Variants in ANK3 observed in about 807,000 individuals in gnomAD.
ANK3 encodes the protein ankyrin 3.
Under a neutral mutation model 370.9 loss-of-function variants are expected in ANK3, and 57 were observed. The observed-to-expected ratio is 0.15, with a 90% CI of 0.12 to 0.19. The LOEUF (loss-of-function observed/expected upper bound fraction) is 0.19. Ranked by LOEUF, ANK3 falls within the 10% of genes least tolerant of loss-of-function variation. The pLI is 1.00. For missense variants in ANK3, 4,439 were observed against 5,302.1 expected (o/e 0.84, Z 5.06); for synonymous variants, 1,929 against 1,946.3 (o/e 0.99, Z 0.23).
At chr10:60,198,189 A>C (rs1591608470) in intron 14 of ANK3, 151 bp downstream of exon 14, 1 of 754,170 alleles carries the variant, frequency 1.3e-6, no homozygotes, top group Non-Finnish European at 2.1e-6. Context: ...ACCCTCTCCC[A>C]CCACAGAGCT....
At chr10:60,171,255 G>A (rs2095785934) in intron 21 of ANK3, among the ~76,000 whole-genome samples, 1 of 152,122 alleles carries the variant, frequency 6.6e-6, no homozygotes, top group Non-Finnish European at 1.5e-5. Flanking sequence ...TAAAACAACT[G>A]TTTTCTCTTT....
At chr10:60,231,308 CT>C (rs2097240483) in intron 8 of ANK3, among the ~76,000 whole-genome samples, 1 of 152,076 alleles carries the variant, frequency 6.6e-6, no homozygotes, top group African/African-American at 2.4e-5. Flanking sequence ...ACTGAATCCT[CT>C]ATTCTGTGAG....
At chr10:60,145,040 A>T (rs2094749467) in intron 23 of ANK3, among the ~76,000 whole-genome samples, 1 of 152,208 alleles carries the variant, frequency 6.6e-6, no homozygotes, top group Non-Finnish European at 1.5e-5. Flanking sequence ...TCACTTTTCC[A>T]TGAACTGAAA....
intron 1 of ANK3, among the ~76,000 whole-genome samples, chr10:60,350,832 A>G (rs1163156686): frequency 6.6e-6 from 1 of 152,146 alleles, no homozygotes; most frequent in Non-Finnish European, 1.5e-5. Flanking sequence ...GGACAAAGGT[A>G]ATGATGCTGC....
At chr10:60,053,726 A>T (rs1297822419) in intron 42 of ANK3, 2 of 1,303,574 alleles carry the variant, frequency 1.5e-6, no homozygotes, top group Non-Finnish European at 2.0e-6. Flanking sequence ...CGGACTTTTG[A>T]CCTGATTTTT....
Position 60,343,955 on chromosome 10 carries a change from C to T in ANK3, c.114+45470G>A, listed in dbSNP as rs79006634. ...GACCACATTTTGAGAACCCTTGCTA[C>T]GGCAAGTGCCAGTTCTGCACATCCA... On this transcript the variant is annotated intron_variant, in intron 1 of 43. Transcript: ENST00000280772. Among the ~76,000 whole-genome samples the T allele has an allele frequency of 3.7e-3, 562 of 152,326 alleles. 2 individuals carry two copies. The highest frequency in any genetic ancestry group is 0.013 in the African/African-American group (539 of 41,582).
intron 2 of ANK3, among the ~76,000 whole-genome samples, chr10:60,503,858 C>A (rs1049257611): frequency 2.0e-5 from 3 of 152,144 alleles, no homozygotes; most frequent in Admixed American, 6.5e-5. Flanking sequence ...CTACTGAGAT[C>A]ATCATCTCGG....
chr10:60,418,549 A>G (rs1170064035), intron 2 of ANK3, among the ~76,000 whole-genome samples: 1 of 152,156 alleles, frequency 6.6e-6, no homozygotes, highest in African/African-American at 2.4e-5. Context: ...TAATCTAAAG[A>G]AAATCTAACA....
At chr10:60,576,861 T>G (rs2077688723) in intron 2 of ANK3, among the ~76,000 whole-genome samples, 2 of 152,178 alleles carry the variant, frequency 1.3e-5, no homozygotes, top group South Asian at 4.1e-4. Context: ...ACCTAGCCAG[T>G]TCACAGCATA....
chr10:60,205,363 T>C (rs1423778542), intron 11 of ANK3, among the ~76,000 whole-genome samples: 5 of 152,170 alleles, frequency 3.3e-5, no homozygotes, highest in Admixed American at 1.3e-4. Flanking sequence ...CTGTATACTG[T>C]AAACTGTTTA....
intron 7 of ANK3, among the ~76,000 whole-genome samples, chr10:60,259,259 C>T (rs1358610341): frequency 6.6e-6 from 1 of 152,150 alleles, no homozygotes; most frequent in African/African-American, 2.4e-5. Context: ...TTCTCAGGTA[C>T]CCTAAAGCCA....
chr10:60,473,592 T>C (rs1006571283), intron 2 of ANK3, among the ~76,000 whole-genome samples: 1 of 152,068 alleles, frequency 6.6e-6, no homozygotes, highest in African/African-American at 2.4e-5. Context: ...AGGACAACTT[T>C]CCTATCCTGT....
intron 7 of ANK3, among the ~76,000 whole-genome samples, chr10:60,242,362 T>C (rs566931168): frequency 6.6e-6 from 1 of 152,370 alleles, no homozygotes; most frequent in African/African-American, 2.4e-5. Flanking sequence ...TATCATATGA[T>C]ATACTTTAGA....
chr10:60,081,375 C>A (rs139231831), intron 35 of ANK3: 1 of 285,366 alleles, frequency 3.5e-6, no homozygotes, highest in African/African-American at 2.2e-5. Flanking sequence ...GGATTACAGG[C>A]GTGAGCCACC....
At chr10:60,365,801 A>G (rs547818533) in intron 1 of ANK3, among the ~76,000 whole-genome samples, 1 of 152,310 alleles carries the variant, frequency 6.6e-6, no homozygotes, top group Admixed American at 6.5e-5. Flanking sequence ...AGTAAGCAAC[A>G]GAGGTGAGAC....
intron 1 of ANK3, among the ~76,000 whole-genome samples, chr10:60,701,982 G>A (rs1215216993): frequency 1.3e-5 from 2 of 152,054 alleles, no homozygotes; most frequent in Non-Finnish European, 2.9e-5. Context: ...AATTAGGCTG[G>A]GTGCAGTGGC....
intron 1 of ANK3, among the ~76,000 whole-genome samples, chr10:60,630,857 T>C (rs747642570): frequency 1.3e-4 from 20 of 152,104 alleles, no homozygotes; most frequent in Non-Finnish European, 2.9e-4. Flanking sequence ...GACAATGGAT[T>C]GCACAGAGGG....
At chr10:60,227,124 AAC>A in intron 8 of ANK3, among the ~76,000 whole-genome samples, 1 of 151,970 alleles carries the variant, frequency 6.6e-6, no homozygotes, top group Non-Finnish European at 1.5e-5. Context: ...GCTTGTATGA[AAC>A]AGTCTTTGTT....
chr10:60,196,039 G>T, intron 16 of ANK3, 106 bp downstream of exon 16: 1 of 907,672 alleles, frequency 1.1e-6, no homozygotes, highest in East Asian at 2.6e-5. Context: ...ATTTTTTAGT[G>T]GTGCCTAAAC....
Sources: allele counts gnomAD v4.1 joint callset (sites outside exome capture counted in the v4.1 genomes callset), GRCh38; gene constraint gnomAD v4.1.1; transcripts MANE v1.5; gene names NCBI Gene and HGNC (gene_info 2026-07-23, HGNC 2026-07-21).